The following NELFB variants were observed in gnomAD, a reference collection of about 807,000 sequenced individuals.
NELFB encodes the protein negative elongation factor complex member B.
A neutral mutation model predicts 60.2 loss-of-function variants in NELFB; 34 were observed. The ratio of observed to expected loss-of-function variants is 0.56; its 90% CI spans 0.43 to 0.75. The LOEUF is 0.75. Among genes scored for constraint, NELFB ranks in the 30% least tolerant of loss-of-function variants. NELFB has a pLI of 0.00. For missense variants in NELFB, 770 were observed against 831.6 expected (o/e 0.93, Z 0.91); for synonymous variants, 459 against 382.1 (o/e 1.20, Z -2.35).
In NELFB at chr9:137,255,954, C is replaced by T. The variant is rs201644989; in HGVS notation, c.294C>T (p.Phe98=). 1.2e-6 allele frequency: 2 copies of T among 1,613,928 alleles called. No individual in the cohort carries two copies. Among genetic ancestry groups the T allele is most frequent in the Non-Finnish European group, 1.7e-6 (2 of 1,180,030 alleles). Residue 98 remains phenylalanine, a synonymous_variant, in exon 2 of 13, where the codon TTC becomes TTT. Coordinates refer to ENST00000343053, the MANE Select transcript of NELFB (RefSeq NM_015456.5). ...CATCTCTTCAGTCAGCCCTCCCCTT[C>T]TTGGACCTGCACGGGACGCCGCGGC...
At position 137,272,073 on chromosome 9, in the gene NELFB, G is replaced by A; in HGVS notation, c.1490-8G>A. On this transcript the variant is annotated splice_polypyrimidine_tract_variant and splice_region_variant and intron_variant, in intron 10 of 12. Transcript: ENST00000343053. ...GTGGCACTGGGCTGATGCCTGCTGT[G>A]TCTGCAGTGGAGACCTTTGGCGACT... 1 of 1,614,158 alleles carries A rather than the reference G, an allele frequency of 6.2e-7. No homozygotes were observed.
intron 10 of NELFB, among the ~76,000 whole-genome samples, chr9:137,268,865 GAGAC>G (rs751774904): frequency 8.5e-5 from 13 of 152,060 alleles, no homozygotes; most frequent in African/African-American, 1.5e-4. Context: ...GAGAGACATG[GAGAC>G]AGACAGATGA....
chr9:137,257,415 C>T (rs1015347052), intron 4 of NELFB, among the ~76,000 whole-genome samples: 2 of 151,056 alleles, frequency 1.3e-5, no homozygotes, highest in East Asian at 2.0e-4. Context: ...TGCAAGCTCC[C>T]GGGTTCACTC....
intron 10 of NELFB, among the ~76,000 whole-genome samples, chr9:137,268,620 G>T (rs567825693): frequency 1.3e-5 from 2 of 152,186 alleles, no homozygotes; most frequent in African/African-American, 4.8e-5. Flanking sequence ...TCCCAGTTCT[G>T]CGGGCTGGGA....
chr9:137,265,806 C>T, intron 6 of NELFB, 71 bp from the exon 7 acceptor site: 1 of 1,026,514 alleles, frequency 9.7e-7, no homozygotes, highest in Non-Finnish European at 1.5e-6. Flanking sequence ...TAGGCCACCC[C>T]TCCTGAGGAC....
chr9:137,263,254 C>A, intron 5 of NELFB, 32 bp downstream of exon 5: 1 of 1,578,192 alleles, frequency 6.3e-7, no homozygotes, highest in East Asian at 2.3e-5. Context: ...CCCCCCTACC[C>A]TCCTGAAGGT....
chr9:137,265,333 C>G (rs1160613287), intron 6 of NELFB, among the ~76,000 whole-genome samples: 1 of 143,276 alleles, frequency 7.0e-6, no homozygotes, highest in Non-Finnish European at 1.5e-5. Flanking sequence ...GTTTTTTTAA[C>G]TTTTTAATTT....
chr9:137,272,230 T>C lies in NELFB; in HGVS notation c.1631+8T>C. On this transcript the variant is annotated splice_region_variant and intron_variant, in intron 11 of 12. Transcript: ENST00000343053. ...CCTCACCGCCTCTCCAAGGTAGGCCTGCTGGGTACCATCCGGCCCGCTCTG... is the reference window on the plus strand; with the variant it reads ...CCTCACCGCCTCTCCAAGGTAGGCCCGCTGGGTACCATCCGGCCCGCTCTG... 6.2e-7 allele frequency: 1 copy of C among 1,613,978 alleles called. No individual in the cohort carries two copies. The highest frequency in any genetic ancestry group is 8.5e-7 in the Non-Finnish European group (1 of 1,179,960).
At chr9:137,265,156 AT>A (rs1003623605) in intron 6 of NELFB, among the ~76,000 whole-genome samples, 3 of 144,110 alleles carry the variant, frequency 2.1e-5, no homozygotes, top group African/African-American at 7.8e-5. Context: ...AAGTGCTGGG[AT>A]TACAGGCACA....
At chr9:137,257,079 G>A (rs1194495564) in intron 4 of NELFB, 25 bp downstream of exon 4, 6 of 1,595,636 alleles carry the variant, frequency 3.8e-6, no homozygotes, top group Non-Finnish European at 5.1e-6. Context: ...CGTGTGCGGG[G>A]TGGGGCACCT....
intron 4 of NELFB, among the ~76,000 whole-genome samples, chr9:137,261,339 CAAAAAAAA>C (rs749817003): frequency 9.1e-5 from 6 of 65,636 alleles, no homozygotes; most frequent in Admixed American, 6.6e-4. Flanking sequence ...GACTCGGTTT[CAAAAAAAA>C]AAAAAAAAAG....
chr9:137,256,518 C>G (rs1003998739), intron 3 of NELFB, 90 bp downstream of exon 3: 2 of 1,173,284 alleles, frequency 1.7e-6, no homozygotes, highest in African/African-American at 3.0e-5. Context: ...CGCCTAGCTC[C>G]GGGAGCTTCC....
chr9:137,264,095 C>T, intron 5 of NELFB, 150 bp from the exon 6 acceptor site: 1 of 622,452 alleles, frequency 1.6e-6, no homozygotes, highest in Non-Finnish European at 2.9e-6. Context: ...GTGGGGAACA[C>T]TGCACCGTCA....
At chr9:137,267,418 G>A (rs1830534904) in intron 10 of NELFB, 72 bp downstream of exon 10, 8 of 1,393,724 alleles carry the variant, frequency 5.7e-6, no homozygotes, top group East Asian at 2.5e-5. Context: ...TGCCCAGGGT[G>A]CGGGCCCCAG....
intron 4 of NELFB, among the ~76,000 whole-genome samples, chr9:137,261,979 CAGAGAGAGAGAGAGA>C (rs1830452389): frequency 6.7e-6 from 1 of 150,136 alleles, no homozygotes; most frequent in Non-Finnish European, 1.5e-5. Context: ...GCAGCCTAGG[CAGAGAGAGAGAGAGA>C]GGAGAGAGAG....
intron 5 of NELFB, 105 bp downstream of exon 5, chr9:137,263,327 C>T (rs1413264572): frequency 2.8e-6 from 3 of 1,066,454 alleles, no homozygotes; most frequent in Non-Finnish European, 2.7e-6. Context: ...CCCCACTGCC[C>T]TCCTGAAGGT....
intron 10 of NELFB, 136 bp downstream of exon 10, chr9:137,267,482 G>A (rs1588189389): frequency 1.7e-6 from 1 of 578,282 alleles, no homozygotes; most frequent in African/African-American, 2.0e-5. Flanking sequence ...TGCTAGCTTT[G>A]TTTTCACCTT....
intron 8 of NELFB, 104 bp from the exon 9 acceptor site, chr9:137,266,840 G>T: frequency 7.3e-7 from 1 of 1,367,016 alleles, no homozygotes; most frequent in South Asian, 1.3e-5. Flanking sequence ...GGTCGGTGAG[G>T]TATCTGGGGG....
chr9:137,272,765 G>GGT lies in NELFB; in HGVS notation c.1741-13_1741-12dup. On this transcript the variant is annotated splice_polypyrimidine_tract_variant and intron_variant, in intron 12 of 12. Transcript: ENST00000343053. ...TGCCCATGCGCCTCGCCTGCCCCAT[G>GGT]GTGTGGTTCCCCGCAGAGCGGAGAG... 1 of 1,535,478 alleles carries GGT rather than the reference G, an allele frequency of 6.5e-7. No individual in the cohort carries two copies. The highest frequency in any genetic ancestry group is 8.8e-7 in the Non-Finnish European group (1 of 1,136,998).
Sources: gnomAD v4.1 joint callset for allele counts (sites outside exome capture counted in the v4.1 genomes callset) on GRCh38, gnomAD v4.1.1 for gene constraint, MANE v1.5 for transcripts, NCBI Gene and HGNC (gene_info 2026-07-23, HGNC 2026-07-21) for gene names.